NFAM1: variants seen among roughly 807,000 people sequenced by gnomAD.
The protein encoded by NFAM1 is NFAT activation molecule 1.
A neutral mutation model predicts 29.0 loss-of-function variants in NFAM1; 17 were observed. The ratio of observed to expected loss-of-function variants is 0.59; its 90% CI spans 0.40 to 0.88. The LOEUF (loss-of-function observed/expected upper bound fraction) is 0.88, where lower values mean the gene tolerates loss of function less well. Ranked by LOEUF, NFAM1 falls within the 40% of genes least tolerant of loss-of-function variation. NFAM1 has a pLI of 0.00. For missense variants in NFAM1, 324 were observed against 344.6 expected, an observed-to-expected ratio of 0.94 and a Z score of 0.47; for synonymous variants, 175 against 147.2, an observed-to-expected ratio of 1.19 and a Z score of -1.36.
At chr22:42,432,113 T>C in intron 1 of NFAM1, 124 bp downstream of exon 1, 1 of 883,452 alleles carries the variant, frequency 1.1e-6, no homozygotes, top group Middle Eastern at 3.3e-4. Flanking sequence ...GTCTGCAGCG[T>C]TCAAACGACA....
chr22:42,418,883 T>C (rs571378219), intron 1 of NFAM1, among the ~76,000 whole-genome samples: 1 of 152,080 alleles, frequency 6.6e-6, no homozygotes, highest in South Asian at 2.1e-4. Context: ...CCCTCAGGGG[T>C]GTGGTGTGTG....
chr22:42,400,007 G>C (rs766587401), intron 3 of NFAM1, among the ~76,000 whole-genome samples: 8 of 152,190 alleles, frequency 5.3e-5, no homozygotes, highest in Non-Finnish European at 1.2e-4. Flanking sequence ...ACAAACCGCA[G>C]GTGAATCTTT....
At chr22:42,417,871 G>GCCCCGT (rs926546635) in intron 1 of NFAM1, among the ~76,000 whole-genome samples, 12 of 152,116 alleles carry the variant, frequency 7.9e-5, no homozygotes, top group African/African-American at 2.9e-4. Flanking sequence ...GAGGGCCCCC[G>GCCCCGT]CCCCGTCCCC....
At chr22:42,437,672 A>G in the NFAM1 span, among the ~76,000 whole-genome samples, 4 of 152,200 alleles carry the variant, frequency 2.6e-5, no homozygotes, top group African/African-American at 7.2e-5. Context: ...GGTGGTAGAC[A>G]TGGGAACGCC....
chr22:42,401,980 G>A (rs1033586665), intron 3 of NFAM1, among the ~76,000 whole-genome samples: 3 of 152,322 alleles, frequency 2.0e-5, no homozygotes, highest in South Asian at 4.1e-4. Context: ...CATGCACTGC[G>A]TGCCAGGCTC....
Position 42,386,972 on chromosome 22 carries a change from C to A in NFAM1, c.753+17G>T, listed in dbSNP as rs763744124. 2.1e-6 allele frequency: 3 copies of A among 1,404,946 alleles called. No homozygotes were observed. The highest frequency in any genetic ancestry group is 1.5e-5 in the African/African-American group (1 of 67,138). 87.0% of individuals were successfully genotyped at this position (1,404,946 alleles called of 1,614,324 possible). On this transcript the variant is annotated intron_variant, in intron 5 of 5. Coordinates refer to ENST00000329021, the MANE Select transcript of NFAM1 (RefSeq NM_145912.8). ...ATGGAGCAAGAAGCCAGGCTTGGTGCCCCAGCGCCTGTGTACCTGGGAGAG... is the reference window on the plus strand; with the variant it reads ...ATGGAGCAAGAAGCCAGGCTTGGTGACCCAGCGCCTGTGTACCTGGGAGAG...
At chr22:42,435,785 C>T (rs542710289), upstream of NFAM1, among the ~76,000 whole-genome samples, 3 of 151,508 alleles carry the variant, frequency 2.0e-5, no homozygotes, top group East Asian at 3.9e-4. Flanking sequence ...CCCCTACCCA[C>T]GACCACCTCC....
chr22:42,420,477 A>C (rs1176550434), intron 1 of NFAM1, among the ~76,000 whole-genome samples: 1 of 151,908 alleles, frequency 6.6e-6, no homozygotes, highest in Admixed American at 6.6e-5. Context: ...CTCTCAAAAA[A>C]CAAACAGGCT....
Position 42,419,553 on chromosome 22 carries a change from G to C in NFAM1, c.122-7817C>G, listed in dbSNP as rs568231307. 6.6e-6 allele frequency among the ~76,000 whole-genome samples: 1 copy of C among 152,312 alleles called. No individual in the cohort carries two copies. Among genetic ancestry groups the C allele is most frequent in the South Asian group, 2.1e-4 (1 of 4,832 alleles). On this transcript the variant is annotated intron_variant, in intron 1 of 5. Coordinates refer to ENST00000329021, the MANE Select transcript of NFAM1 (RefSeq NM_145912.8). The surrounding 1 kb of genome is among the most constrained non-coding windows in gnomAD (Gnocchi z 4.5). ...GGGCCACTGCTAAGAAAAATGGAAA[G>C]TCCCTGGCTTGGAGGATCCAGTTCT...
chr22:42,401,544 G>C (rs1159130204), intron 3 of NFAM1, among the ~76,000 whole-genome samples: 5 of 152,072 alleles, frequency 3.3e-5, no homozygotes, highest in African/African-American at 1.2e-4. Flanking sequence ...CCGGGGCAAG[G>C]GGTCCCGTGG....
Sources: gnomAD v4.1 joint callset for allele counts (sites outside exome capture counted in the v4.1 genomes callset) on GRCh38, gnomAD v4.1.1 for gene constraint, Gnocchi (gnomAD v3.1) non-coding constraint, MANE v1.5 for transcripts, NCBI Gene and HGNC (gene_info 2026-07-23, HGNC 2026-07-21) for gene names.